MX2: variants seen among roughly 807,000 people sequenced by gnomAD.
MX2 encodes interferon-induced GTP-binding protein Mx2.
In MX2, 51 loss-of-function variants were observed where a neutral mutation model predicts 74.0. That is an observed-to-expected ratio of 0.69 (90% confidence interval 0.55 to 0.87). MX2 has a LOEUF of 0.87. Ranked by LOEUF, MX2 falls within the 40% of genes least tolerant of loss-of-function variation. The pLI, the probability that MX2 is intolerant of heterozygous loss-of-function variation, is 0.00. For synonymous variants in MX2, 369 were observed against 339.3 expected, an observed-to-expected ratio of 1.09 and a Z score of -0.96; for missense variants, 832 against 908.7, an observed-to-expected ratio of 0.92 and a Z score of 1.09.
chr21:41,400,504 G>A (rs916452677), intron 10 of MX2, among the ~76,000 whole-genome samples: 1 of 152,150 alleles, frequency 6.6e-6, no homozygotes, highest in Non-Finnish European at 1.5e-5. Context: ...GTGTGTGTAT[G>A]TGTGTGTCCA....
At chr21:41,372,293 A>G (rs755242489) in intron 1 of MX2, among the ~76,000 whole-genome samples, 2 of 152,260 alleles carry the variant, frequency 1.3e-5, no homozygotes, top group Non-Finnish European at 2.9e-5. Flanking sequence ...TCCATGATGC[A>G]AACAATTATG....
At position 41,399,256 on chromosome 21, in the gene MX2, G is replaced by A. The variant is rs1465784552; in HGVS notation, c.1333G>A (p.Glu445Lys). ...KLVEGEEVVR[E>K]NETRLYNKIR... ...AGTAGAAGGAGAAGAAGTTGTAAGG[G>A]AGAATGAGACCCGTTTATACAACAA... is the stretch of plus-strand genomic sequence containing the variant. Residue 445 changes from glutamate (E) to lysine (K), a missense_variant, in exon 10 of 14, where the codon GAG becomes AAG. Coordinates refer to ENST00000330714, the MANE Select transcript of MX2 (RefSeq NM_002463.2). The A allele has an allele frequency of 2.5e-6, 4 of 1,613,796 alleles. No individual in the cohort carries two copies. The highest frequency in any genetic ancestry group is 3.4e-6 in the Non-Finnish European group (4 of 1,179,806).
At position 41,378,020 on chromosome 21, in the gene MX2, C is replaced by T. The variant is rs752437165; in HGVS notation, c.442+39C>T. 1.1e-5 allele frequency: 17 copies of T among 1,589,818 alleles called. No homozygotes were observed. The African/African-American group carries it at 1.1e-4, about 10-fold the overall frequency. On this transcript the variant is annotated intron_variant, in intron 3 of 13. Coordinates refer to ENST00000330714, the MANE Select transcript of MX2 (RefSeq NM_002463.2). ...ACCACCTTCCCTCCGCAGCAAGCAG[C>T]GCCACCTGTAAGCCACAAAGCTTCC...
chr21:41,407,119 C>G, intron 13 of MX2, 121 bp downstream of exon 13: 2 of 994,826 alleles, frequency 2.0e-6, no homozygotes, highest in Non-Finnish European at 2.9e-6. Flanking sequence ...ATGTATTAAG[C>G]CCTTCTGTAT....
intron 12 of MX2, 99 bp downstream of exon 12, chr21:41,403,442 G>A: frequency 9.1e-7 from 1 of 1,096,414 alleles, no homozygotes; most frequent in Non-Finnish European, 1.4e-6. Flanking sequence ...ATGAGGCCAG[G>A]GATGTAATGG....
intron 2 of MX2, among the ~76,000 whole-genome samples, chr21:41,377,444 G>A (rs2089421383): frequency 6.6e-6 from 1 of 152,022 alleles, no homozygotes; most frequent in Non-Finnish European, 1.5e-5. Context: ...CCACCCACTT[G>A]CCACCCTCCC....
In MX2 at chr21:41,399,276, C is replaced by T. The variant is rs2089779079; in HGVS notation, c.1353C>T (p.Tyr451=). The T allele has an allele frequency of 1.2e-6, 2 of 1,613,904 alleles. No homozygotes were observed. The highest frequency in any genetic ancestry group is 1.1e-5 in the South Asian group (1 of 91,082). ...TAAGGGAGAATGAGACCCGTTTATA[C>T]AACAAAATCAGAGAGGATTTTAAAA... ...EVVRENETRL[Y]NKIREDFKNW... Residue 451 remains tyrosine, a synonymous_variant, in exon 10 of 14, where the codon TAC becomes TAT. Coordinates refer to ENST00000330714, the MANE Select transcript of MX2 (RefSeq NM_002463.2).
At position 41,398,967 on chromosome 21, in the gene MX2, G is replaced by C; in HGVS notation, c.1220G>C (p.Cys407Ser). Residue 407 changes from cysteine (C) to serine (S), a missense_variant, in exon 9 of 14, where the codon TGC (cysteine) becomes TCC (serine). Cys to Ser is a moderately radical substitution (Grantham distance 112). Coordinates refer to ENST00000330714, the MANE Select transcript of MX2 (RefSeq NM_002463.2). ...HQKATEELRR[C>S]GADIPSQEAD... The stretch of plus-strand genomic sequence containing the variant: ...AAGGCGACCGAGGAGCTGCGGCGTT[G>C]CGGGGCTGACATCCCCAGCCAGGAG... 1 of 1,614,060 alleles carries C rather than the reference G, an allele frequency of 6.2e-7. No homozygotes were observed. Among genetic ancestry groups the C allele is most frequent in the South Asian group, 1.1e-5 (1 of 91,074 alleles).
chr21:41,396,772 T>C (rs1476127846), intron 7 of MX2, among the ~76,000 whole-genome samples: 1 of 152,128 alleles, frequency 6.6e-6, no homozygotes, highest in East Asian at 1.9e-4. Flanking sequence ...AGAAGAAAAC[T>C]CTCCTCCTTG....
chr21:41,370,006 A>G (rs2089302639), intron 1 of MX2, among the ~76,000 whole-genome samples: 1 of 152,108 alleles, frequency 6.6e-6, no homozygotes, highest in African/African-American at 2.4e-5. Flanking sequence ...GCATGTGGAG[A>G]TTGTTTTGCT....
Position 41,377,861 on chromosome 21 carries a change from C to T in MX2, c.322C>T (p.Arg108Trp), listed in dbSNP as rs1200546253. 5 of 1,614,096 alleles carry T rather than the reference C, an allele frequency of 3.1e-6. No homozygotes were observed. The highest frequency in any genetic ancestry group is 1.3e-5 in the African/African-American group (1 of 74,958). ...RPCIDLIDSL[R>W]ALGVEQDLAL... The stretch of plus-strand genomic sequence containing the variant: ...CTGCATTGACCTCATCGACTCCCTG[C>T]GGGCTCTGGGTGTGGAGCAGGACCT... The change falls in exon 3 of 14, where the codon CGG becomes TGG. Residue 108 changes from arginine (R) to tryptophan (W), a missense_variant. Transcript: ENST00000330714.
chr21:41,369,955 A>G (rs2089301725), intron 1 of MX2, among the ~76,000 whole-genome samples: 2 of 152,180 alleles, frequency 1.3e-5, no homozygotes, highest in Admixed American at 1.3e-4. Context: ...TAGCCAGAAA[A>G]GATTCCAAGC....
At chr21:41,386,118 G>A (rs2089569733) in intron 5 of MX2, among the ~76,000 whole-genome samples, 1 of 150,936 alleles carries the variant, frequency 6.6e-6, no homozygotes, top group Non-Finnish European at 1.5e-5. Context: ...ATCCCAGGAG[G>A]CTGAGGCAGG....
Position 41,396,253 on chromosome 21 carries a change from C to G in MX2, c.1070+468C>G, listed in dbSNP as rs149176198. Among the ~76,000 whole-genome samples, 231 of 152,334 alleles carry G rather than the reference C, an allele frequency of 1.5e-3. 2 individuals are homozygous for G. Among genetic ancestry groups the G allele is most frequent in the African/African-American group, 5.3e-3 (221 of 41,574 alleles). The stretch of plus-strand genomic sequence containing the variant: ...GATGGAACTCTCCGTGTTTTTAGAG[C>G]CTCCAGTGCCCACAGTCATTTGCCA... On this transcript the variant is annotated intron_variant, in intron 7 of 13. Transcript: ENST00000330714.
intron 6 of MX2, among the ~76,000 whole-genome samples, chr21:41,395,075 C>T (rs2089716572): frequency 6.6e-6 from 1 of 151,886 alleles, no homozygotes; most frequent in Admixed American, 6.6e-5. Flanking sequence ...GACACTCAAG[C>T]AACATAAACA....
At chr21:41,399,722 T>A (rs2089786404) in intron 10 of MX2, 1 of 169,382 alleles carries the variant, frequency 5.9e-6, no homozygotes, top group African/African-American at 2.4e-5. Flanking sequence ...TGAACCACCA[T>A]ACCCAGATAA....
rs369575235 is a variant in MX2, at chr21:41,376,981, A to C, written c.75A>C (p.Glu25Asp). 3 of 1,614,050 alleles carry C rather than the reference A, an allele frequency of 1.9e-6. No homozygotes were observed. The highest frequency in any genetic ancestry group is 2.7e-5 in the African/African-American group (2 of 74,932). ...QFSSRKYLKK[E>D]MNSFQQQPPP... ...CTTCTCGAAAATACCTGAAAAAAGAAATGAATTCCTTCCAGCAACAGCCAC... is the reference window on the plus strand; with the variant it reads ...CTTCTCGAAAATACCTGAAAAAAGACATGAATTCCTTCCAGCAACAGCCAC... Residue 25 changes from glutamate to aspartate, a missense_variant, in exon 2 of 14, where the codon GAA becomes GAC. Coordinates refer to ENST00000330714, the MANE Select transcript of MX2 (RefSeq NM_002463.2).
chr21:41,407,119 C>A, intron 13 of MX2, 121 bp downstream of exon 13: 3 of 994,810 alleles, frequency 3.0e-6, no homozygotes, highest in South Asian at 1.8e-5. Flanking sequence ...ATGTATTAAG[C>A]CCTTCTGTAT....
rs769366199 is a variant in MX2 at position 41,403,665 on chromosome 21, C to T, written c.1650+322C>T. The T allele has an allele frequency of 5.2e-6, 3 of 574,968 alleles. No homozygotes were observed. The African/African-American group carries it at 5.6e-5, about 11-fold the overall frequency. 35.6% of individuals were successfully genotyped at this position (574,968 alleles called of 1,614,324 possible). On this transcript the variant is annotated intron_variant, in intron 12 of 13. Coordinates refer to ENST00000330714, the MANE Select transcript of MX2 (RefSeq NM_002463.2). ...GGCTGAATCTTTTTCAAGCATAAAG[C>T]ACAGCATTGTTTACTAGTCCTACTC...
Sources: gnomAD v4.1 joint callset for allele counts (sites outside exome capture counted in the v4.1 genomes callset) on GRCh38, gnomAD v4.1.1 for gene constraint, MANE v1.5 for transcripts, NCBI Gene and HGNC (gene_info 2026-07-23, HGNC 2026-07-21) for gene names.